FCRL1: variants seen among roughly 807,000 people sequenced by gnomAD.
The protein encoded by FCRL1 is Fc receptor like 1.
A neutral mutation model predicts 49.2 loss-of-function variants in FCRL1; 34 were observed. The ratio of observed to expected loss-of-function variants is 0.69; its 90% CI spans 0.53 to 0.92. FCRL1 has a LOEUF of 0.92. FCRL1 is among the 40% of genes least tolerant of loss of function. The probability of loss-of-function intolerance (pLI) is 0.00; values close to 1 mark genes in which losing one functional copy is unlikely to be tolerated. For synonymous variants in FCRL1, 218 were observed against 201.6 expected (o/e 1.08, Z -0.69); for missense variants, 524 against 524.1 (o/e 1.00, Z 0.00).
At chr1:157,797,207 C>A in intron 9 of FCRL1, 75 bp from the exon 10 acceptor site, 1 of 1,317,202 alleles carries the variant, frequency 7.6e-7, no homozygotes, top group Non-Finnish European at 1.1e-6. Flanking sequence ...TTAAGAAAAG[C>A]TTCTTCCTCT....
At position 157,804,054 on chromosome 1, in the gene FCRL1, G is replaced by T; in HGVS notation, c.110C>A (p.Thr37Lys). 1.2e-6 allele frequency: 2 copies of T among 1,614,216 alleles called. No individual in the cohort carries two copies. The highest frequency in any genetic ancestry group is 1.7e-6 in the Non-Finnish European group (2 of 1,180,024). ...ACTCTGTAGAAAGGGCATCTTACAC[G>T]TCAGGGTCACTGGGCTCCCCTCTGT... ...HPTEGSPVTL[T>K]CKMPFLQSSD... Residue 37 changes from threonine (T) to lysine (K), a missense_variant, in exon 3 of 11, where the codon ACG becomes AAG. By Grantham distance (78) the Thr-to-Lys change is moderately conservative. Coordinates refer to ENST00000368176, the MANE Select transcript of FCRL1 (RefSeq NM_052938.5).
At chr1:157,805,712 A>G (rs749090015) in intron 2 of FCRL1, among the ~76,000 whole-genome samples, 5 of 152,166 alleles carry the variant, frequency 3.3e-5, no homozygotes, top group Non-Finnish European at 7.3e-5. Context: ...CCTGGCCAAC[A>G]CGGCAAAACT....
At position 157,802,174 on chromosome 1, in the gene FCRL1, G is replaced by T; in HGVS notation, c.627C>A (p.Ile209=). Residue 209 remains isoleucine (I), a synonymous_variant, in exon 5 of 11, where the codon ATC becomes ATA. Coordinates refer to ENST00000368176, the MANE Select transcript of FCRL1 (RefSeq NM_052938.5). Reference sequence around the variant, plus strand: ...GGGCCCTGGGAGCCCTGAGCATGAGGATTGGGCGAGACACCGGGACTGAGG... The same window carrying T: ...GGGCCCTGGGAGCCCTGAGCATGAGTATTGGGCGAGACACCGGGACTGAGG... ...ITVRIPVSRP[I]LMLRAPRAQA... 1 of 1,613,740 alleles carries T rather than the reference G, an allele frequency of 6.2e-7. No individual in the cohort carries two copies. The highest frequency in any genetic ancestry group is 8.5e-7 in the Non-Finnish European group (1 of 1,179,768).
chr1:157,809,255 G>C (rs1361298843), intron 1 of FCRL1, among the ~76,000 whole-genome samples: 1 of 152,092 alleles, frequency 6.6e-6, no homozygotes, highest in Non-Finnish European at 1.5e-5. Flanking sequence ...CCAACATTTT[G>C]AGGTCAGCAA....
chr1:157,804,383 GT>G (rs1334069527), intron 2 of FCRL1, among the ~76,000 whole-genome samples: 1 of 151,934 alleles, frequency 6.6e-6, no homozygotes, highest in Non-Finnish European at 1.5e-5. Flanking sequence ...ATTTTTTGAA[GT>G]TTCTATCCAT....
intron 2 of FCRL1, among the ~76,000 whole-genome samples, chr1:157,805,568 G>A (rs1653301461): frequency 6.6e-6 from 1 of 152,176 alleles, no homozygotes; most frequent in Non-Finnish European, 1.5e-5. Flanking sequence ...CTGACCAGTA[G>A]CACAGCTCTT....
At chr1:157,812,828 C>T (rs1433515664) in intron 1 of FCRL1, among the ~76,000 whole-genome samples, 2 of 152,108 alleles carry the variant, frequency 1.3e-5, no homozygotes, top group African/African-American at 4.8e-5. Context: ...ATGCCAGGGC[C>T]AAACACCAAA....
chr1:157,811,882 G>T (rs2101890966), intron 1 of FCRL1, among the ~76,000 whole-genome samples: 1 of 152,246 alleles, frequency 6.6e-6, no homozygotes, highest in Admixed American at 6.5e-5. Flanking sequence ...CAACCCCAGG[G>T]ACTCAAAACC....
intron 1 of FCRL1, among the ~76,000 whole-genome samples, chr1:157,808,213 T>G (rs1461763635): frequency 6.6e-6 from 1 of 152,124 alleles, no homozygotes; most frequent in Non-Finnish European, 1.5e-5. Context: ...TGACAATCTT[T>G]GATGTCAAGA....
At chr1:157,809,315 G>A (rs1653955017) in intron 1 of FCRL1, among the ~76,000 whole-genome samples, 1 of 152,128 alleles carries the variant, frequency 6.6e-6, no homozygotes, top group Non-Finnish European at 1.5e-5. Context: ...CAACACTTTG[G>A]AAGGCTGAGG....
chr1:157,803,996 T>C lies in FCRL1; in HGVS notation c.168A>G (p.Arg56=). 1 of 1,614,188 alleles carries C rather than the reference T, an allele frequency of 6.2e-7. No individual in the cohort carries two copies. Among genetic ancestry groups the C allele is most frequent in the African/African-American group, 1.3e-5 (1 of 75,048 alleles). The change falls in exon 3 of 11, where the codon AGA becomes AGG. Residue 56 remains arginine (R), a synonymous_variant. Transcript: ENST00000368176. ...AGCCTGGGCCCAAGGCCCGGGTGTC[T>C]CTGAAAAAGCAGAACTGGAACTGGG... ...SDAQFQFCFF[R]DTRALGPGWS...
At position 157,802,650 on chromosome 1, in the gene FCRL1, C is replaced by G; in HGVS notation, c.334G>C (p.Asp112His). ...GGGGGCTGAGTCTCCAAGCTCACATCAGCGACAGGGACCCCTGTGTGGACA... is the reference window on the plus strand; with the variant it reads ...GGGGGCTGAGTCTCCAAGCTCACATGAGCGACAGGGACCCCTGTGTGGACA... ...QINVHRVPVADVSLETQPPGG... is the reference protein window; with the variant it reads ...QINVHRVPVAHVSLETQPPGG... Residue 112 changes from aspartate to histidine, a missense_variant, in exon 4 of 11, where the codon GAT becomes CAT. Transcript: ENST00000368176. The G allele has an allele frequency of 6.2e-7, 1 of 1,613,240 alleles. No individual in the cohort carries two copies. Among genetic ancestry groups the G allele is most frequent in the Non-Finnish European group, 8.5e-7 (1 of 1,179,544 alleles).
At chr1:157,796,982 A>T in intron 10 of FCRL1, 119 bp downstream of exon 10, 1 of 884,280 alleles carries the variant, frequency 1.1e-6, no homozygotes, top group Non-Finnish European at 1.8e-6. Context: ...TTTGGGATGT[A>T]GGGAAGAGGT....
At chr1:157,804,923 G>T (rs959059747) in intron 2 of FCRL1, among the ~76,000 whole-genome samples, 1 of 150,564 alleles carries the variant, frequency 6.6e-6, no homozygotes, top group Non-Finnish European at 1.5e-5. Context: ...TCAGTGATGC[G>T]ATCTCAGCTC....
intron 1 of FCRL1, among the ~76,000 whole-genome samples, chr1:157,816,682 A>G (rs1215238825): frequency 6.6e-6 from 1 of 151,784 alleles, no homozygotes; most frequent in African/African-American, 2.4e-5. Context: ...AATCTTATAT[A>G]TAGAAAACTC....
At position 157,797,134 on chromosome 1, in the gene FCRL1, T is replaced by G. The variant is rs1426709439; in HGVS notation, c.1187-2A>C. 6.2e-7 allele frequency: 1 copy of G among 1,613,916 alleles called. No individual in the cohort carries two copies. The highest frequency in any genetic ancestry group is 1.1e-5 in the South Asian group (1 of 91,074). On this transcript the variant is annotated splice_acceptor_variant, in intron 9 of 10. Transcript: ENST00000368176. LOFTEE classifies it high-confidence loss of function. ...CCATATGTGTCCCCAGGGTTTCTGCTGTGGAGAAAAGACAAGTGCTGTGAC... is the reference window on the plus strand; with the variant it reads ...CCATATGTGTCCCCAGGGTTTCTGCGGTGGAGAAAAGACAAGTGCTGTGAC...
At chr1:157,818,006 C>T (rs1655281682) in intron 1 of FCRL1, among the ~76,000 whole-genome samples, 1 of 152,010 alleles carries the variant, frequency 6.6e-6, no homozygotes, top group Admixed American at 6.6e-5. Context: ...CCAAAGATAA[C>T]TAGTATTGTC....
At position 157,804,119 on chromosome 1, in the gene FCRL1, G is replaced by C; in HGVS notation, c.53-8C>G. The C allele has an allele frequency of 6.2e-7, 1 of 1,612,856 alleles. No homozygotes were observed. Among genetic ancestry groups the C allele is most frequent in the South Asian group, 1.1e-5 (1 of 90,934 alleles). On this transcript the variant is annotated splice_region_variant and splice_polypyrimidine_tract_variant and intron_variant, in intron 2 of 10. Transcript: ENST00000368176. Reference sequence around the variant, plus strand: ...TGGCTATCAAAAACAGCTCTAGAGAGAGGAATTAAACACAAATGATTAATG... The same window carrying C: ...TGGCTATCAAAAACAGCTCTAGAGACAGGAATTAAACACAAATGATTAATG...
chr1:157,796,060 G>T lies in FCRL1; in HGVS notation c.*39C>A. On this transcript the variant is annotated 3_prime_UTR_variant, in exon 11 of 11. Coordinates refer to ENST00000368176, the MANE Select transcript of FCRL1 (RefSeq NM_052938.5). ...GAACATATCAGGCCTGAGGCTTGGG[G>T]TCATGGATGGTTTTCAAAGAGCAGA... is the stretch of plus-strand genomic sequence containing the variant. The T allele has an allele frequency of 6.4e-7, 1 of 1,555,648 alleles. No individual in the cohort carries two copies. Among genetic ancestry groups the T allele is most frequent in the Non-Finnish European group, 8.9e-7 (1 of 1,126,600 alleles).
Sources: gnomAD v4.1 joint callset for allele counts (sites outside exome capture counted in the v4.1 genomes callset) on GRCh38, gnomAD v4.1.1 for gene constraint, MANE v1.5 for transcripts, NCBI Gene and HGNC (gene_info 2026-07-23, HGNC 2026-07-21) for gene names.